MDGA2: variants seen among roughly 807,000 people sequenced by gnomAD.
MDGA2 encodes MAM domain-containing glycosylphosphatidylinositol anchor protein 2.
In MDGA2, 40 loss-of-function variants were observed where a neutral mutation model predicts 117.8. The ratio of observed to expected loss-of-function variants is 0.34; its 90% CI spans 0.26 to 0.44. The LOEUF (loss-of-function observed/expected upper bound fraction) is 0.44, where lower values mean the gene tolerates loss of function less well. Ranked by LOEUF, MDGA2 falls within the 20% of genes least tolerant of loss-of-function variation. The pLI, the probability that MDGA2 is intolerant of heterozygous loss-of-function variation, is 1.00. For synonymous variants in MDGA2, 452 were observed against 439.0 expected (o/e 1.03, Z -0.37); for missense variants, 1,123 against 1,250.6 (o/e 0.90, Z 1.54).
At chr14:47,023,045 A>G (rs1888343309) in intron 8 of MDGA2, among the ~76,000 whole-genome samples, 1 of 152,076 alleles carries the variant, frequency 6.6e-6, no homozygotes, top group African/African-American at 2.4e-5. Flanking sequence ...TGGACTGGAA[A>G]TGAGAACCAC....
intron 2 of MDGA2, among the ~76,000 whole-genome samples, chr14:47,278,772 C>T (rs1317354216): frequency 6.6e-6 from 1 of 152,150 alleles, no homozygotes; most frequent in Non-Finnish European, 1.5e-5. Flanking sequence ...AAGTAAGTAT[C>T]TTTCCTCCTC....
chr14:46,966,298 T>C (rs1016028314), intron 8 of MDGA2, among the ~76,000 whole-genome samples: 3 of 152,136 alleles, frequency 2.0e-5, no homozygotes, highest in African/African-American at 7.2e-5. Flanking sequence ...TGCATGCTCT[T>C]AAAAACAGCC....
chr14:47,658,035 G>T (rs1258283195), intron 1 of MDGA2, among the ~76,000 whole-genome samples: 1 of 152,164 alleles, frequency 6.6e-6, no homozygotes, highest in Non-Finnish European at 1.5e-5. Flanking sequence ...CAGGGCCTGT[G>T]TGGCTAAGAT....
rs75350781 is a variant in MDGA2, at chr14:47,282,291, G to A, written c.420+19120C>T. Among the ~76,000 whole-genome samples, 368 of 152,202 alleles carry A rather than the reference G, an allele frequency of 2.4e-3. 2 individuals are homozygous for A. Among genetic ancestry groups the A allele is most frequent in the African/African-American group, 8.6e-3 (355 of 41,516 alleles). On this transcript the variant is annotated intron_variant, in intron 2 of 16. Transcript: ENST00000399232. ...ATTTGACATTAATGCAGTCACTTGA[G>A]GTTCATGCAACTTTCCATGGAATAA...
At chr14:47,393,105 T>G (rs1216813818) in intron 1 of MDGA2, among the ~76,000 whole-genome samples, 1 of 150,394 alleles carries the variant, frequency 6.6e-6, no homozygotes, top group East Asian at 1.9e-4. Context: ...ATAATAATAA[T>G]AATAATAATA....
chr14:47,368,498 CAAGAGAGAATTA>C (rs1229615330), intron 1 of MDGA2, among the ~76,000 whole-genome samples: 4 of 152,048 alleles, frequency 2.6e-5, no homozygotes, highest in Non-Finnish European at 5.9e-5. Flanking sequence ...TAGTTGAAAG[CAAGAGAGAATTA>C]AAATTCTGCA....
chr14:47,388,342 C>T (rs1404757136), intron 1 of MDGA2, among the ~76,000 whole-genome samples: 4 of 152,216 alleles, frequency 2.6e-5, no homozygotes, highest in African/African-American at 9.6e-5. Flanking sequence ...AAACTGAATC[C>T]TCGGATAGTT....
intron 2 of MDGA2, among the ~76,000 whole-genome samples, chr14:47,224,446 T>C (rs915101183): frequency 1.3e-4 from 20 of 152,294 alleles, no homozygotes; most frequent in African/African-American, 4.8e-4. Context: ...ATCCAAAAAG[T>C]ATATTGTGTA....
chr14:47,607,942 T>A (rs1191398189), intron 1 of MDGA2, among the ~76,000 whole-genome samples: 2 of 150,810 alleles, frequency 1.3e-5, no homozygotes, highest in Non-Finnish European at 3.0e-5. Flanking sequence ...TTGAATTGCA[T>A]CACAGCCATT....
chr14:47,190,938 C>T (rs1885085385), intron 3 of MDGA2, among the ~76,000 whole-genome samples: 1 of 152,082 alleles, frequency 6.6e-6, no homozygotes, highest in African/African-American at 2.4e-5. Flanking sequence ...TCAGTTAGTG[C>T]AGTTTTTTTC....
At chr14:47,614,288 C>T (rs1332004653) in intron 1 of MDGA2, among the ~76,000 whole-genome samples, 1 of 151,926 alleles carries the variant, frequency 6.6e-6, no homozygotes, top group African/African-American at 2.4e-5. Flanking sequence ...CAGGGTTTCA[C>T]CATGTTACTC....
chr14:47,235,975 CAG>C (rs1405436144), intron 2 of MDGA2, among the ~76,000 whole-genome samples: 2 of 152,026 alleles, frequency 1.3e-5, no homozygotes, highest in Non-Finnish European at 2.9e-5. Context: ...GGTCAAGAAG[CAG>C]AGAGTCAAAG....
intron 7 of MDGA2, among the ~76,000 whole-genome samples, chr14:47,054,080 A>G (rs900750438): frequency 6.6e-6 from 1 of 151,906 alleles, no homozygotes; most frequent in African/African-American, 2.4e-5. Flanking sequence ...CTGCCCTTTT[A>G]TGAGAGAGAT....
chr14:46,855,810 G>T lies in MDGA2; in HGVS notation c.2753-656C>A, dbSNP rs534431424. 5.9e-5 allele frequency among the ~76,000 whole-genome samples: 9 copies of T among 152,162 alleles called. No homozygotes were observed. Among genetic ancestry groups the T allele is most frequent in the African/African-American group, 1.7e-4 (7 of 41,522 alleles). On this transcript the variant is annotated intron_variant, in intron 14 of 16. Coordinates refer to ENST00000399232, the MANE Select transcript of MDGA2 (RefSeq NM_001113498.3). The surrounding 1 kb of genome is among the most constrained non-coding windows in gnomAD (Gnocchi z 4.1). ...CATGTAATCATGTACTGAATAACTTGCTCAGAGTTGGACTCTAATTCTGTC... is the reference window on the plus strand; with the variant it reads ...CATGTAATCATGTACTGAATAACTTTCTCAGAGTTGGACTCTAATTCTGTC...
At chr14:47,256,960 A>T (rs73251638) in intron 2 of MDGA2, among the ~76,000 whole-genome samples, 28,251 of 151,500 alleles carry the variant, frequency 0.19, 2,845 homozygotes, top group South Asian at 0.28. Flanking sequence ...AAAGGGAAAG[A>T]AAAAAAGAGA....
intron 1 of MDGA2, among the ~76,000 whole-genome samples, chr14:47,627,815 C>T (rs1220631954): frequency 6.6e-6 from 1 of 152,186 alleles, no homozygotes; most frequent in Non-Finnish European, 1.5e-5. Flanking sequence ...TCCACACTGC[C>T]TTTATGAGCT....
At chr14:47,389,688 G>A (rs1036046670) in intron 1 of MDGA2, among the ~76,000 whole-genome samples, 1 of 151,936 alleles carries the variant, frequency 6.6e-6, no homozygotes, top group Non-Finnish European at 1.5e-5. Flanking sequence ...GCAGAAGTGA[G>A]AAGGCAAAAT....
At chr14:47,662,323 AT>A (rs971180129) in intron 1 of MDGA2, among the ~76,000 whole-genome samples, 4 of 152,106 alleles carry the variant, frequency 2.6e-5, no homozygotes, top group Non-Finnish European at 5.9e-5. Context: ...TGTAATATGT[AT>A]TTTTTATAGT....
At chr14:47,143,727 A>C (rs1213079151) in intron 4 of MDGA2, among the ~76,000 whole-genome samples, 1 of 152,176 alleles carries the variant, frequency 6.6e-6, no homozygotes, top group Non-Finnish European at 1.5e-5. Context: ...CAAATGGGGA[A>C]ATCAAAATCT....
Sources: allele counts gnomAD v4.1 joint callset (sites outside exome capture counted in the v4.1 genomes callset), GRCh38; gene constraint gnomAD v4.1.1; non-coding constraint Gnocchi (gnomAD v3.1); transcripts MANE v1.5; gene names NCBI Gene and HGNC (gene_info 2026-07-23, HGNC 2026-07-21).